Variants in GOLGA4 observed in about 807,000 individuals in gnomAD.
GOLGA4 encodes the protein golgin A4.
In GOLGA4, 169 loss-of-function variants were observed where a neutral mutation model predicts 265.9. The observed-to-expected ratio is 0.64, with a 90% CI of 0.56 to 0.72. GOLGA4 has a LOEUF of 0.72. GOLGA4 is among the 30% of genes least tolerant of loss of function. The probability of loss-of-function intolerance (pLI) is 0.00; values close to 1 mark genes in which losing one functional copy is unlikely to be tolerated. For synonymous variants in GOLGA4, 923 were observed against 855.8 expected (o/e 1.08, Z -1.37); for missense variants, 2,482 against 2,483.4 (o/e 1.00, Z 0.01).
chr3:37,353,322 C>T (rs1048848375), intron 21 of GOLGA4, among the ~76,000 whole-genome samples: 1 of 152,030 alleles, frequency 6.6e-6, no homozygotes, highest in African/African-American at 2.4e-5. Flanking sequence ...TTCCCACACA[C>T]CTTCAATCTG....
chr3:37,256,877 C>T (rs1281062165), intron 2 of GOLGA4, among the ~76,000 whole-genome samples: 1 of 152,068 alleles, frequency 6.6e-6, no homozygotes, highest in African/African-American at 2.4e-5. Flanking sequence ...TCTGGCTGGC[C>T]TCCAACTCCT....
At chr3:37,266,897 C>G in intron 2 of GOLGA4, 2 of 1,288,368 alleles carry the variant, frequency 1.6e-6, no homozygotes, top group Non-Finnish European at 2.0e-6. Flanking sequence ...ACTATCTTTG[C>G]TTTGGATTCC....
At chr3:37,334,998 T>A in intron 16 of GOLGA4, 55 bp from the exon 17 acceptor site, 1 of 1,092,992 alleles carries the variant, frequency 9.1e-7, no homozygotes, top group Middle Eastern at 2.4e-4. Context: ...TGTGTTTGTT[T>A]ACTAATGCTT....
intron 10 of GOLGA4, among the ~76,000 whole-genome samples, chr3:37,305,347 TAACA>T (rs1233712021): frequency 1.3e-5 from 2 of 152,242 alleles, no homozygotes; most frequent in Non-Finnish European, 2.9e-5. Flanking sequence ...TGCAAAGTTG[TAACA>T]AACTGTCTCT....
At chr3:37,343,642 A>T (rs1198132455) in intron 20 of GOLGA4, among the ~76,000 whole-genome samples, 1 of 152,204 alleles carries the variant, frequency 6.6e-6, no homozygotes, top group African/African-American at 2.4e-5. Context: ...TTATTTGATG[A>T]GAAAACCAAC....
At chr3:37,308,906 G>A (rs761060229) in intron 10 of GOLGA4, among the ~76,000 whole-genome samples, 1 of 151,888 alleles carries the variant, frequency 6.6e-6, no homozygotes, top group Non-Finnish European at 1.5e-5. Context: ...GAGCCACTGC[G>A]CCTGGCTAAA....
intron 10 of GOLGA4, among the ~76,000 whole-genome samples, chr3:37,308,874 A>T (rs972948170): frequency 6.6e-6 from 1 of 151,752 alleles, no homozygotes; most frequent in Non-Finnish European, 1.5e-5. Context: ...TCGGCCTCCC[A>T]AAGGGCTGGG....
chr3:37,258,033 G>A lies in GOLGA4; in HGVS notation c.162+6549G>A, dbSNP rs868591005. Among the ~76,000 whole-genome samples the A allele has an allele frequency of 1.9e-3, 164 of 86,784 alleles. 2 individuals carry two copies. Among genetic ancestry groups the A allele is most frequent in the African/African-American group, 7.7e-3 (122 of 15,752 alleles). 56.9% of individuals were successfully genotyped at this position (86,784 alleles called of 152,430 possible). A position where few individuals can be genotyped will look rare whatever the true frequency, so the allele number is the denominator to read the frequency against. On this transcript the variant is annotated intron_variant, in intron 2 of 23. Coordinates refer to ENST00000361924, the MANE Select transcript of GOLGA4 (RefSeq NM_002078.5). ...TACATATATATATGTATGTATATAT[G>A]TATATATACATACATATATATATGT... is the stretch of plus-strand genomic sequence containing the variant.
chr3:37,256,585 C>A (rs1277523627), intron 2 of GOLGA4, among the ~76,000 whole-genome samples: 1 of 152,168 alleles, frequency 6.6e-6, no homozygotes. Flanking sequence ...TCTGGGTACT[C>A]TCCTATCCTG....
chr3:37,335,354 T>C (rs1396965961), intron 17 of GOLGA4, among the ~76,000 whole-genome samples, 188 bp downstream of exon 17: 2 of 152,212 alleles, frequency 1.3e-5, no homozygotes, highest in East Asian at 3.8e-4. Flanking sequence ...ATGTTCAAGC[T>C]CACACAATAA....
intron 10 of GOLGA4, among the ~76,000 whole-genome samples, chr3:37,307,998 C>T (rs529661455): frequency 1.7e-4 from 26 of 152,274 alleles, no homozygotes; most frequent in Non-Finnish European, 3.1e-4. Flanking sequence ...CTTTGGGAGA[C>T]TGAGGCGGGT....
At chr3:37,328,278 A>ACT (rs1340693136) in intron 14 of GOLGA4, 138 bp from the exon 15 acceptor site, 87 of 722,166 alleles carry the variant, frequency 1.2e-4, no homozygotes, top group Non-Finnish European at 1.8e-4. Context: ...ACTCACTCTC[A>ACT]CACTCTCTCT....
At position 37,327,395 on chromosome 3, in the gene GOLGA4, G is replaced by C; in HGVS notation, c.5509G>C (p.Asp1837His). Residue 1837 changes from aspartate to histidine, a missense_variant, in exon 14 of 24, where the codon GAC becomes CAC. By Grantham distance (81) the Asp-to-His change is moderately conservative. Coordinates refer to ENST00000361924, the MANE Select transcript of GOLGA4 (RefSeq NM_002078.5). ...GCAAAACTTGGAAAATGTGTTTGAC[G>C]ACGTCCAGAAAACCCTCCAGGAGAA... ...AKQNLENVFD[D>H]VQKTLQEKEL... 1 of 1,613,818 alleles carries C rather than the reference G, an allele frequency of 6.2e-7. No homozygotes were observed.
intron 2 of GOLGA4, among the ~76,000 whole-genome samples, chr3:37,270,205 T>C (rs1309863285): frequency 1.4e-5 from 2 of 138,506 alleles, no homozygotes; most frequent in Admixed American, 1.4e-4. Flanking sequence ...GTTGTAGCTT[T>C]TTTTTTTTTT....
intron 12 of GOLGA4, chr3:37,320,499 G>C (rs1299221086): frequency 6.6e-6 from 1 of 152,004 alleles, no homozygotes; most frequent in East Asian, 1.9e-4. Context: ...GCTCTGTGGG[G>C]GCACATGGAT....
chr3:37,300,034 G>C (rs2096888745), intron 9 of GOLGA4, among the ~76,000 whole-genome samples: 2 of 152,140 alleles, frequency 1.3e-5, no homozygotes, highest in Admixed American at 1.3e-4. Flanking sequence ...CTGGGTGACA[G>C]GGTGAGACCC....
In GOLGA4 at chr3:37,282,007, C is replaced by T; in HGVS notation, c.212C>T (p.Ser71Phe). The T allele has an allele frequency of 6.2e-7, 1 of 1,614,110 alleles. No homozygotes were observed. The highest frequency in any genetic ancestry group is 8.5e-7 in the Non-Finnish European group (1 of 1,179,986). Residue 71 changes from serine to phenylalanine, a missense_variant, in exon 3 of 24, where the codon TCC becomes TTC. Transcript: ENST00000361924. ...CAGAAGCTCCAGCTCCGGGTGCCCTCCGTGGAGTCTTTGTTTCGAAGTCCG... is the reference window on the plus strand; with the variant it reads ...CAGAAGCTCCAGCTCCGGGTGCCCTTCGTGGAGTCTTTGTTTCGAAGTCCG... Reference protein sequence around the residue: ...FAQKLQLRVPSVESLFRSPIK... With the variant: ...FAQKLQLRVPFVESLFRSPIK...
rs1399456919 is a variant in GOLGA4 at position 37,321,825 on chromosome 3, T to C, written c.1640T>C (p.Ile547Thr). Residue 547 changes from isoleucine (I) to threonine (T), a missense_variant, in exon 13 of 24, where the codon ATC becomes ACC. Around this residue, in one of 3 missense-constraint regions of GOLGA4, gnomAD observed 1,536 missense variants for 1,483.7 expected, o/e 1.04. Coordinates refer to ENST00000361924, the MANE Select transcript of GOLGA4 (RefSeq NM_002078.5). ...LEELELQKKA[I>T]LTESENKLRD... is the part of the protein sequence containing the mutation. The stretch of plus-strand genomic sequence containing the variant: ...GAGTTAGAGTTGCAGAAAAAAGCAA[T>C]CCTCACAGAAAGTGAAAATAAACTT... The C allele has an allele frequency of 1.2e-6, 2 of 1,613,188 alleles. No homozygotes were observed. Among genetic ancestry groups the C allele is most frequent in the East Asian group, 2.2e-5 (1 of 44,850 alleles).
rs554073277 is a variant in GOLGA4, at chr3:37,266,762, C to G, written c.163-15196C>G. ...TTATGCATGCTGCGTGGTGAGAACA[C>G]TTTGCAACATGCCATTATGATTTGT... is the stretch of plus-strand genomic sequence containing the variant. On this transcript the variant is annotated intron_variant, in intron 2 of 23. Coordinates refer to ENST00000361924, the MANE Select transcript of GOLGA4 (RefSeq NM_002078.5). 2.4e-5 allele frequency: 14 copies of G among 583,582 alleles called. No individual in the cohort carries two copies. In the East Asian group the frequency reaches 8.9e-4, roughly 37 times the overall value. The allele number at this position is 583,582 out of a possible 1,614,324, so 36.2% of individuals were successfully genotyped here. A position where few individuals can be genotyped will look rare whatever the true frequency, so the allele number is the denominator to read the frequency against.
Sources: gnomAD v4.1 joint callset for allele counts (sites outside exome capture counted in the v4.1 genomes callset) on GRCh38, gnomAD v4.1.1 for gene constraint, gnomAD v4.1.1 regional missense constraint, MANE v1.5 for transcripts, NCBI Gene and HGNC (gene_info 2026-07-23, HGNC 2026-07-21) for gene names.